Variants in MCF2L2 observed in about 807,000 individuals in gnomAD.
MCF2L2 encodes the protein MCF.2 cell line derived transforming sequence-like 2, also known as probable guanine nucleotide exchange factor MCF2L2.
In MCF2L2, 102 loss-of-function variants were observed where a neutral mutation model predicts 150.2. The observed-to-expected ratio is 0.68, with a 90% CI of 0.58 to 0.80. The LOEUF (loss-of-function observed/expected upper bound fraction) is 0.80, where lower values mean the gene tolerates loss of function less well. Ranked by LOEUF, MCF2L2 falls within the 30% of genes least tolerant of loss-of-function variation. The pLI is 0.00. For synonymous variants in MCF2L2, 465 were observed against 491.3 expected, an observed-to-expected ratio of 0.95 and a Z score of 0.71; for missense variants, 1,256 against 1,372.8, an observed-to-expected ratio of 0.91 and a Z score of 1.34.
At chr3:183,323,816 T>C (rs111453605) in intron 5 of MCF2L2, among the ~76,000 whole-genome samples, 2,498 of 150,346 alleles carry the variant, frequency 0.017, 64 homozygotes, top group South Asian at 0.09. Flanking sequence ...AAAAAGTTAC[T>C]ATATCCAGCA....
Position 183,263,541 on chromosome 3 carries a change from CCTT to C in MCF2L2, c.1862+13328_1862+13330del, listed in dbSNP as rs144616270. Among the ~76,000 whole-genome samples the C allele has an allele frequency of 9.3e-3, 1,421 of 152,210 alleles. 27 individuals carry two copies. The highest frequency in any genetic ancestry group is 0.032 in the African/African-American group (1,327 of 41,506). ...TTTTTCATTGACTCCTCCTTTCTCT[CCTT>C]CTCCGGAGTTTATTTTTCCTCCAGG... is the stretch of plus-strand genomic sequence containing the variant. On this transcript the variant is annotated intron_variant, in intron 15 of 29. Transcript: ENST00000328913.
At chr3:183,372,835 A>C (rs1215747291) in intron 3 of MCF2L2, 2 of 152,260 alleles carry the variant, frequency 1.3e-5, no homozygotes, top group Admixed American at 1.3e-4. Context: ...TAAAATAAGG[A>C]AACTAAGTAG....
chr3:183,228,417 G>A (rs560402606), intron 17 of MCF2L2, 51 bp from the exon 18 acceptor site: 1 of 1,316,680 alleles, frequency 7.6e-7, no homozygotes, highest in Non-Finnish European at 1.1e-6. Context: ...TGACATGTAG[G>A]TAATTAATTT....
chr3:183,351,190 G>GTATATATATATATATATA (rs60311053), intron 3 of MCF2L2, among the ~76,000 whole-genome samples: 2 of 38,840 alleles, frequency 5.1e-5, no homozygotes, highest in Non-Finnish European at 1.0e-4. Context: ...ATTTTCTTAA[G>GTATATATATATATATATA]TATATATATA....
intron 27 of MCF2L2, among the ~76,000 whole-genome samples, chr3:183,191,850 TA>T (rs1380790226): frequency 6.6e-6 from 1 of 152,034 alleles, no homozygotes; most frequent in African/African-American, 2.4e-5. Flanking sequence ...TTATTTTATT[TA>T]TTTTTTTGAG....
At chr3:183,338,120 A>G (rs1404570542) in intron 5 of MCF2L2, among the ~76,000 whole-genome samples, 2 of 151,964 alleles carry the variant, frequency 1.3e-5, no homozygotes, top group East Asian at 3.9e-4. Flanking sequence ...CACCACCTTC[A>G]GACTAATTTT....
chr3:183,192,227 C>G (rs1721922601), intron 27 of MCF2L2, among the ~76,000 whole-genome samples: 1 of 152,032 alleles, frequency 6.6e-6, no homozygotes, highest in Admixed American at 6.6e-5. Context: ...GCAACCTCCG[C>G]CTCCCAGGTT....
chr3:183,178,583 T>C lies in MCF2L2; in HGVS notation c.*797A>G, dbSNP rs559842059. 6.6e-6 allele frequency: 1 copy of C among 151,812 alleles called. No homozygotes were observed. The highest frequency in any genetic ancestry group is 2.1e-4 in the South Asian group (1 of 4,798). 9.4% of individuals were successfully genotyped at this position (151,812 alleles called of 1,614,324 possible). A position where few individuals can be genotyped will look rare whatever the true frequency, so the allele number is the denominator to read the frequency against. On this transcript the variant is annotated 3_prime_UTR_variant, in exon 30 of 30. Transcript: ENST00000328913. ...ACTGAAAATGAACAACTAAATAACT[T>C]TGAAAATAAAGTAACTATAAACCAG... is the stretch of plus-strand genomic sequence containing the variant.
intron 3 of MCF2L2, among the ~76,000 whole-genome samples, chr3:183,364,392 T>C (rs369996891): frequency 2.4e-4 from 36 of 151,946 alleles, no homozygotes; most frequent in East Asian, 9.6e-4. Flanking sequence ...TGGTGGTGGG[T>C]GCCTGTAGTC....
intron 3 of MCF2L2, among the ~76,000 whole-genome samples, chr3:183,346,768 TAGAC>T (rs1321710469): frequency 6.6e-6 from 1 of 150,950 alleles, no homozygotes; most frequent in African/African-American, 2.4e-5. Context: ...TCACCAACAA[TAGAC>T]AGAGAGCCAA....
rs562841532 is a variant in MCF2L2, at chr3:183,201,512, T to G, written c.2884+4364A>C. Among the ~76,000 whole-genome samples, 196 of 152,360 alleles carry G rather than the reference T, an allele frequency of 1.3e-3. 1 individual carries two copies. The highest frequency in any genetic ancestry group is 2.2e-3 in the Non-Finnish European group (147 of 68,028). On this transcript the variant is annotated intron_variant, in intron 25 of 29. Transcript: ENST00000328913. ...ACTTTGCTGAAGTTGCTTATCAGCTTAAGGAGATTTTGGGCTGAGACGATG... is the reference window on the plus strand; with the variant it reads ...ACTTTGCTGAAGTTGCTTATCAGCTGAAGGAGATTTTGGGCTGAGACGATG...
intron 15 of MCF2L2, among the ~76,000 whole-genome samples, chr3:183,261,152 T>C (rs183962035): frequency 1.6e-3 from 243 of 152,358 alleles, no homozygotes; most frequent in African/African-American, 5.7e-3. Context: ...TAGTAACTAG[T>C]TATATTTCTT....
At chr3:183,217,923 C>A (rs1203689299) in intron 21 of MCF2L2, among the ~76,000 whole-genome samples, 1 of 152,204 alleles carries the variant, frequency 6.6e-6, no homozygotes, top group Non-Finnish European at 1.5e-5. Flanking sequence ...AAGGCTTTTG[C>A]ATGGGCTTGA....
At chr3:183,272,814 A>G (rs1726897567) in intron 15 of MCF2L2, 10 of 1,206,374 alleles carry the variant, frequency 8.3e-6, no homozygotes, top group Non-Finnish European at 9.4e-6. Context: ...GGAAGTGTTT[A>G]AGGTTGCCAT....
intron 3 of MCF2L2, among the ~76,000 whole-genome samples, chr3:183,343,582 C>T (rs1022001527): frequency 1.3e-5 from 2 of 152,146 alleles, no homozygotes. Flanking sequence ...GTTGGTTAGG[C>T]TGGTCTCAAT....
At chr3:183,365,463 T>C (rs911280320) in intron 3 of MCF2L2, among the ~76,000 whole-genome samples, 1 of 152,338 alleles carries the variant, frequency 6.6e-6, no homozygotes, top group East Asian at 1.9e-4. Context: ...AATTAAAAGT[T>C]TGTTGCTCAT....
At chr3:183,242,209 T>C (rs1236144241) in intron 15 of MCF2L2, among the ~76,000 whole-genome samples, 1 of 152,226 alleles carries the variant, frequency 6.6e-6, no homozygotes, top group East Asian at 1.9e-4. Flanking sequence ...ATTGGCAGCC[T>C]GATGATGTGA....
chr3:183,360,550 G>A (rs1046066370), intron 3 of MCF2L2, among the ~76,000 whole-genome samples: 5 of 151,256 alleles, frequency 3.3e-5, no homozygotes, highest in African/African-American at 1.2e-4. Context: ...CAGCCTGGGT[G>A]ACAGAATGAG....
chr3:183,228,817 T>C (rs1333850697), intron 17 of MCF2L2, among the ~76,000 whole-genome samples: 2 of 152,316 alleles, frequency 1.3e-5, no homozygotes, highest in Admixed American at 1.3e-4. Context: ...CTGCTGCTGC[T>C]GTTGCTATTA....
Sources: allele counts gnomAD v4.1 joint callset (sites outside exome capture counted in the v4.1 genomes callset), GRCh38; gene constraint gnomAD v4.1.1; transcripts MANE v1.5; gene names NCBI Gene and HGNC (gene_info 2026-07-23, HGNC 2026-07-21).